The following ALG5 variants were observed in gnomAD, a reference collection of about 807,000 sequenced individuals.
ALG5 encodes the protein dolichyl-phosphate beta-glucosyltransferase.
ALG5 carries 26 observed loss-of-function variants against 51.8 expected under a neutral mutation model. The observed-to-expected ratio is 0.50, with a 90% CI of 0.37 to 0.70. The LOEUF is 0.70. Among genes scored for constraint, ALG5 ranks in the 30% least tolerant of loss-of-function variants. ALG5 has a pLI of 0.00. For missense variants in ALG5, 311 were observed against 399.3 expected, an observed-to-expected ratio of 0.78 and a Z score of 1.88; for synonymous variants, 141 against 136.1, an observed-to-expected ratio of 1.04 and a Z score of -0.25.
intron 7 of ALG5, among the ~76,000 whole-genome samples, chr13:36,967,134 A>C (rs879338139): frequency 2.6e-5 from 4 of 151,888 alleles, no homozygotes; most frequent in Non-Finnish European, 5.9e-5. Context: ...GAGGCAGAAG[A>C]ATCGCTTGAA....
chr13:36,988,851 C>A (rs1013623235), intron 5 of ALG5, among the ~76,000 whole-genome samples: 1 of 152,118 alleles, frequency 6.6e-6, no homozygotes, highest in Non-Finnish European at 1.5e-5. Flanking sequence ...GGACTGCCCA[C>A]CTTTAGACTT....
At chr13:36,987,361 G>A (rs945547710) in intron 5 of ALG5, among the ~76,000 whole-genome samples, 1 of 152,122 alleles carries the variant, frequency 6.6e-6, no homozygotes, top group Non-Finnish European at 1.5e-5. Context: ...ATTTCATATT[G>A]CAATGTGATC....
At chr13:36,983,994 T>C (rs1488171415) in intron 6 of ALG5, among the ~76,000 whole-genome samples, 1 of 152,152 alleles carries the variant, frequency 6.6e-6, no homozygotes, top group Non-Finnish European at 1.5e-5. Flanking sequence ...AACAGGATCT[T>C]AATAAATATG....
chr13:36,959,261 T>C (rs186662680), intron 8 of ALG5, among the ~76,000 whole-genome samples: 1 of 152,180 alleles, frequency 6.6e-6, no homozygotes, highest in Admixed American at 6.5e-5. Flanking sequence ...ACAGGGGGAA[T>C]AAGGTTTTTT....
At chr13:36,957,864 A>G (rs901271569) in intron 8 of ALG5, among the ~76,000 whole-genome samples, 5 of 152,066 alleles carry the variant, frequency 3.3e-5, no homozygotes, top group African/African-American at 1.2e-4. Context: ...GAGACATGGT[A>G]TTAGTCAAGT....
At position 36,971,920 on chromosome 13, in the gene ALG5, A is replaced by T. The variant is rs191155950; in HGVS notation, c.621+57T>A. ...CAGTTTCTTGCCAGATATATATATA[A>T]AAAAAGAAATAAAAGCCAATTAATT... is the stretch of plus-strand genomic sequence containing the variant. On this transcript the variant is annotated intron_variant, in intron 7 of 9. Transcript: ENST00000239891. The T allele has an allele frequency of 2.5e-3, 3,383 of 1,375,952 alleles. 11 individuals are homozygous for T. The highest frequency in any genetic ancestry group is 2.8e-3 in the Non-Finnish European group (2,779 of 990,446). The allele number at this position is 1,375,952 out of a possible 1,614,324, so 85.2% of individuals were successfully genotyped here.
chr13:36,994,117 GA>G (rs1449895230), intron 3 of ALG5, among the ~76,000 whole-genome samples: 4 of 152,118 alleles, frequency 2.6e-5, no homozygotes, highest in African/African-American at 9.7e-5. Flanking sequence ...AAAGAGAACA[GA>G]AAAACCTACT....
chr13:36,973,898 G>A (rs1035021040), intron 6 of ALG5, among the ~76,000 whole-genome samples: 43 of 152,208 alleles, frequency 2.8e-4, no homozygotes, highest in African/African-American at 1.0e-3. Context: ...TACTGTGCCC[G>A]CACACTCTCT....
chr13:36,976,981 A>C (rs548950384), intron 6 of ALG5, among the ~76,000 whole-genome samples: 20 of 152,354 alleles, frequency 1.3e-4, no homozygotes, highest in Non-Finnish European at 2.1e-4. Context: ...TCTCCATTTC[A>C]AAGATTCATG....
At chr13:36,978,953 A>G (rs2058966666) in intron 6 of ALG5, among the ~76,000 whole-genome samples, 1 of 151,320 alleles carries the variant, frequency 6.6e-6, no homozygotes, top group Non-Finnish European at 1.5e-5. Context: ...AGAAAAAAAG[A>G]TGAATGTTAA....
At chr13:36,952,313 T>C (rs1161122747) in intron 9 of ALG5, among the ~76,000 whole-genome samples, 1 of 152,136 alleles carries the variant, frequency 6.6e-6, no homozygotes, top group African/African-American at 2.4e-5. Context: ...GAAGGCCCCA[T>C]GAACAGACAA....
intron 5 of ALG5, 54 bp from the exon 6 acceptor site, chr13:36,985,794 C>T: frequency 8.5e-7 from 1 of 1,175,980 alleles, no homozygotes; most frequent in Admixed American, 1.9e-5. Flanking sequence ...AGGTTAAATT[C>T]AATGACACTT....
chr13:36,955,136 C>G (rs1197716225), intron 8 of ALG5, among the ~76,000 whole-genome samples: 1 of 152,148 alleles, frequency 6.6e-6, no homozygotes, highest in East Asian at 1.9e-4. Context: ...TCTGTGAATG[C>G]TAACAGCCAG....
intron 6 of ALG5, among the ~76,000 whole-genome samples, chr13:36,977,491 C>T (rs1298910619): frequency 6.6e-6 from 1 of 151,824 alleles, no homozygotes; most frequent in African/African-American, 2.4e-5. Context: ...GAGATCCCAA[C>T]TCATTTAAAA....
At chr13:36,981,755 G>A (rs1009861233) in intron 6 of ALG5, among the ~76,000 whole-genome samples, 10 of 152,162 alleles carry the variant, frequency 6.6e-5, no homozygotes, top group Non-Finnish European at 1.2e-4. Flanking sequence ...CACATCTTCA[G>A]TGGAAAATTA....
At chr13:36,963,008 G>C (rs904585237) in intron 8 of ALG5, among the ~76,000 whole-genome samples, 29 of 152,018 alleles carry the variant, frequency 1.9e-4, no homozygotes, top group African/African-American at 7.0e-4. Context: ...AAGTACAGTG[G>C]TGCAATCATA....
intron 7 of ALG5, among the ~76,000 whole-genome samples, chr13:36,971,328 T>C (rs1380813857): frequency 6.6e-6 from 1 of 151,992 alleles, no homozygotes; most frequent in African/African-American, 2.4e-5. Context: ...TAGAAAAAAA[T>C]AAAGGCAAGT....
intron 1 of ALG5, among the ~76,000 whole-genome samples, chr13:36,997,385 A>T (rs1226955271): frequency 6.8e-6 from 1 of 146,346 alleles, no homozygotes; most frequent in Non-Finnish European, 1.5e-5. Flanking sequence ...AGGCAGGAGA[A>T]TTGCTTGAGG....
At chr13:36,994,888 G>T in intron 3 of ALG5, 101 bp downstream of exon 3, 1 of 1,019,838 alleles carries the variant, frequency 9.8e-7, no homozygotes, top group South Asian at 1.4e-5. Flanking sequence ...TCGGGGTGCT[G>T]CCAGGACTGC....
Sources: allele counts gnomAD v4.1 joint callset (sites outside exome capture counted in the v4.1 genomes callset), GRCh38; gene constraint gnomAD v4.1.1; transcripts MANE v1.5; gene names NCBI Gene and HGNC (gene_info 2026-07-23, HGNC 2026-07-21).